Variants in GRIN2B observed in about 807,000 individuals in gnomAD.
The protein encoded by GRIN2B is glutamate ionotropic receptor NMDA type subunit 2B.
Under a neutral mutation model 114.5 loss-of-function variants are expected in GRIN2B, and 5 were observed. The observed-to-expected ratio is 0.04, with a 90% confidence interval of 0.02 to 0.09. GRIN2B has a LOEUF of 0.09. GRIN2B is among the 10% of genes least tolerant of loss of function. The pLI is 1.00. For missense variants in GRIN2B, 1,108 were observed against 1,943.5 expected (o/e 0.57, Z 8.08); for synonymous variants, 787 against 745.1 (o/e 1.06, Z -0.92).
chr12:13,654,308 G>A (rs1285784975), intron 5 of GRIN2B, among the ~76,000 whole-genome samples: 1 of 152,174 alleles, frequency 6.6e-6, no homozygotes, highest in African/African-American at 2.4e-5. Context: ...TGGGCTCTTT[G>A]CAAAGAAGCT....
chr12:13,730,620 G>A (rs1460839249), intron 4 of GRIN2B, among the ~76,000 whole-genome samples: 3 of 152,096 alleles, frequency 2.0e-5, no homozygotes, highest in African/African-American at 4.8e-5. Flanking sequence ...AAATCTCATT[G>A]TAGGCGATAG....
chr12:13,930,193 A>C (rs2136822872), intron 2 of GRIN2B, among the ~76,000 whole-genome samples: 1 of 152,324 alleles, frequency 6.6e-6, no homozygotes, highest in East Asian at 1.9e-4. Flanking sequence ...CACAATAAAT[A>C]GATAAATAAA....
Position 13,537,565 on chromosome 12 carries a change from AGAG to A in GRIN2B, c.*25215_*25217del, listed in dbSNP as rs1430063487. On this transcript the variant is annotated 3_prime_UTR_variant, in exon 14 of 14. Transcript: ENST00000609686. ...GTGCTGTGAATAGTTGTCCATGGTG[AGAG>A]GAGAGTGACAACAAACAGCTGCCAC... The A allele has an allele frequency of 1.3e-5, 2 of 152,196 alleles. No individual in the cohort carries two copies. Among genetic ancestry groups the A allele is most frequent in the Non-Finnish European group, 2.9e-5 (2 of 68,046 alleles). The allele number at this position is 152,196 out of a possible 1,614,324, so 9.4% of individuals were successfully genotyped here. A position where few individuals can be genotyped will look rare whatever the true frequency, so the allele number is the denominator to read the frequency against.
At chr12:13,623,572 G>A (rs1949539113) in intron 5 of GRIN2B, among the ~76,000 whole-genome samples, 6 of 152,056 alleles carry the variant, frequency 3.9e-5, no homozygotes, top group Admixed American at 3.9e-4. Flanking sequence ...ACATCTCTTA[G>A]CCATTTAAAT....
chr12:13,953,605 G>A (rs1867535362), intron 2 of GRIN2B, among the ~76,000 whole-genome samples: 1 of 152,162 alleles, frequency 6.6e-6, no homozygotes, highest in Non-Finnish European at 1.5e-5. Context: ...TGGGGGTGCT[G>A]GAGAGAGGAG....
chr12:13,864,919 C>T (rs990589733), intron 3 of GRIN2B, among the ~76,000 whole-genome samples: 6 of 152,180 alleles, frequency 3.9e-5, no homozygotes, highest in African/African-American at 9.7e-5. Context: ...GAAAGCTCTT[C>T]AGGTGATTTT....
intron 10 of GRIN2B, among the ~76,000 whole-genome samples, chr12:13,575,382 G>C (rs1948761386): frequency 6.6e-6 from 1 of 152,100 alleles, no homozygotes. Flanking sequence ...AATCGGGCCG[G>C]GTGCAGTGGC....
intron 4 of GRIN2B, among the ~76,000 whole-genome samples, chr12:13,709,221 A>G (rs1048527764): frequency 6.6e-6 from 1 of 152,068 alleles, no homozygotes; most frequent in Non-Finnish European, 1.5e-5. Flanking sequence ...GGCTTTAAAT[A>G]AGGCTCAGAA....
At chr12:13,605,563 AC>A (rs1565472562) in intron 10 of GRIN2B, among the ~76,000 whole-genome samples, 1 of 131,280 alleles carries the variant, frequency 7.6e-6, no homozygotes, top group African/African-American at 2.9e-5. Context: ...ACACACACAC[AC>A]ACACACACAC....
chr12:13,779,197 C>T (rs985456420), intron 3 of GRIN2B, among the ~76,000 whole-genome samples: 1 of 152,168 alleles, frequency 6.6e-6, no homozygotes, highest in African/African-American at 2.4e-5. Flanking sequence ...GTGTGCACCA[C>T]CACACCCAGC....
chr12:13,758,998 A>AGTTTT lies in GRIN2B; in HGVS notation c.412-5084_412-5083insAAAAC, dbSNP rs771891565. ...GAATTTGATGATCTCATCTAGTTCA[A>AGTTTT]TTTTTTTTTTTTTTTTTTTTTTTTT... On this transcript the variant is annotated intron_variant, in intron 3 of 13. Transcript: ENST00000609686. 1.1e-3 allele frequency among the ~76,000 whole-genome samples: 90 copies of AGTTTT among 85,624 alleles called. 4 individuals carry two copies. Among genetic ancestry groups the AGTTTT allele is most frequent in the African/African-American group, 2.5e-3 (51 of 20,376 alleles). 56.2% of individuals were successfully genotyped at this position (85,624 alleles called of 152,430 possible). A position where few individuals can be genotyped will look rare whatever the true frequency, so the allele number is the denominator to read the frequency against.
At chr12:13,834,073 C>T (rs1397777955) in intron 3 of GRIN2B, among the ~76,000 whole-genome samples, 1 of 137,760 alleles carries the variant, frequency 7.3e-6, no homozygotes, top group African/African-American at 2.7e-5. Flanking sequence ...CACTGTCTCC[C>T]AGGCTAGAGT....
chr12:13,842,555 G>C (rs1189546602), intron 3 of GRIN2B, among the ~76,000 whole-genome samples: 3 of 152,104 alleles, frequency 2.0e-5, no homozygotes, highest in Non-Finnish European at 4.4e-5. Flanking sequence ...TATTTCTCCA[G>C]CTTCACCATA....
At chr12:13,766,280 T>G (rs2284416) in intron 3 of GRIN2B, among the ~76,000 whole-genome samples, 71,438 of 152,084 alleles carry the variant, frequency 0.47, 17,427 homozygotes, top group Non-Finnish European at 0.55. Context: ...TTAAATGCCA[T>G]CATGAAGTTT....
chr12:13,725,845 C>T (rs140665061), intron 4 of GRIN2B, among the ~76,000 whole-genome samples: 1 of 152,066 alleles, frequency 6.6e-6, no homozygotes, highest in South Asian at 2.1e-4. Flanking sequence ...GAGCAGGACA[C>T]AGGGATGGGC....
chr12:13,970,417 G>T (rs12829989), intron 2 of GRIN2B, among the ~76,000 whole-genome samples: 6,263 of 152,198 alleles, frequency 0.041, 154 homozygotes, highest in Non-Finnish European at 0.06. Context: ...AGAGGTGCTT[G>T]GATGGCAAGG....
intron 5 of GRIN2B, among the ~76,000 whole-genome samples, chr12:13,646,644 TTCCTCCTCC>T (rs745510781): frequency 3.3e-5 from 5 of 151,894 alleles, no homozygotes; most frequent in African/African-American, 9.7e-5. Flanking sequence ...CTTCCTCTTC[TTCCTCCTCC>T]TCCTCCTCCT....
In GRIN2B at chr12:13,562,931, C is replaced by T; in HGVS notation, c.4307G>A (p.Gly1436Glu). The T allele has an allele frequency of 2.5e-6, 4 of 1,614,166 alleles. No homozygotes were observed. The highest frequency in any genetic ancestry group is 3.4e-6 in the Non-Finnish European group (4 of 1,180,044). ...TNKPVVSALHGAVPARFQKDI... is the reference protein window; with the variant it reads ...TNKPVVSALHEAVPARFQKDI... ...CTTCTGGAAACGGGCTGGCACGGCC[C>T]CATGAAGGGCCGAGACCACCGGCTT... Residue 1436 changes from glycine (G) to glutamate (E), a missense_variant, in exon 14 of 14, where the codon GGG (glycine) becomes GAG (glutamate). Physicochemically the swap from Gly to Glu is moderately conservative, Grantham distance 98. Around this residue, in one of 19 missense-constraint regions of GRIN2B, gnomAD observed 478 missense variants for 506.0 expected, o/e 0.94. Coordinates refer to ENST00000609686, the MANE Select transcript of GRIN2B (RefSeq NM_000834.5).
chr12:13,790,575 A>G (rs548494303), intron 3 of GRIN2B, among the ~76,000 whole-genome samples: 218 of 152,354 alleles, frequency 1.4e-3, no homozygotes, highest in Non-Finnish European at 1.9e-3. Context: ...GAGGTCCCTC[A>G]TTATATTTTC....
Sources: allele counts gnomAD v4.1 joint callset (sites outside exome capture counted in the v4.1 genomes callset), GRCh38; gene constraint gnomAD v4.1.1; regional missense constraint gnomAD v4.1.1; transcripts MANE v1.5; gene names NCBI Gene and HGNC (gene_info 2026-07-23, HGNC 2026-07-21).